Variants in MDGA2 observed in about 807,000 individuals in gnomAD.
MDGA2 encodes MAM domain-containing glycosylphosphatidylinositol anchor protein 2.
Under a neutral mutation model 117.8 loss-of-function variants are expected in MDGA2, and 40 were observed. That is an observed-to-expected ratio of 0.34 (90% CI 0.26 to 0.44). The LOEUF is 0.44. MDGA2 is among the 20% of genes least tolerant of loss of function. MDGA2 has a pLI of 1.00. For missense variants in MDGA2, 1,123 were observed against 1,250.6 expected (o/e 0.90, Z 1.54); for synonymous variants, 452 against 439.0 (o/e 1.03, Z -0.37).
intron 4 of MDGA2, among the ~76,000 whole-genome samples, chr14:47,137,765 G>T (rs1882527833): frequency 6.6e-6 from 1 of 152,060 alleles, no homozygotes; most frequent in Admixed American, 6.6e-5. Context: ...AGACAAAAAA[G>T]AAAGAAAAGC....
rs1438013103 is a variant in MDGA2 at position 47,070,688 on chromosome 14, C to G, written c.1196-9110G>C. 2.6e-5 allele frequency among the ~76,000 whole-genome samples: 4 copies of G among 152,166 alleles called. No homozygotes were observed. The East Asian group carries it at 7.7e-4, about 29-fold the overall frequency. On this transcript the variant is annotated intron_variant, in intron 6 of 16. Transcript: ENST00000399232. ...TGGTGTGATCTTGGCTCACTGCAAC[C>G]TCTGCCTCCTGGGTTCAAGCAATTC...
Position 47,113,057 on chromosome 14 carries a change from G to A in MDGA2, c.926-15934C>T, listed in dbSNP as rs538392783. Among the ~76,000 whole-genome samples the A allele has an allele frequency of 3.9e-5, 6 of 152,192 alleles. No homozygotes were observed. The East Asian group carries it at 1.2e-3, about 29-fold the overall frequency. On this transcript the variant is annotated intron_variant, in intron 5 of 16. Coordinates refer to ENST00000399232, the MANE Select transcript of MDGA2 (RefSeq NM_001113498.3). ...AAGTATCTTCTTTTGAGAGGTGTCT[G>A]TTCATGTCCTTTGCTAACTTTTTAA...
At chr14:47,428,433 ATGT>A (rs1178849166) in intron 1 of MDGA2, among the ~76,000 whole-genome samples, 2 of 152,134 alleles carry the variant, frequency 1.3e-5, no homozygotes, top group African/African-American at 2.4e-5. Flanking sequence ...AACTAGGGAA[ATGT>A]TGATTAGTCT....
At chr14:47,242,981 T>C (rs973824533) in intron 2 of MDGA2, among the ~76,000 whole-genome samples, 6 of 151,678 alleles carry the variant, frequency 4.0e-5, no homozygotes, top group Non-Finnish European at 7.4e-5. Flanking sequence ...CACCCTGTGT[T>C]TAGCTCAAGG....
intron 1 of MDGA2, among the ~76,000 whole-genome samples, chr14:47,352,930 G>A (rs971654964): frequency 6.6e-6 from 1 of 152,158 alleles, no homozygotes; most frequent in Admixed American, 6.5e-5. Context: ...AGGAGATGCA[G>A]TATAGAATAA....
intron 3 of MDGA2, among the ~76,000 whole-genome samples, chr14:47,150,820 A>C (rs1883132428): frequency 6.6e-6 from 1 of 151,692 alleles, no homozygotes; most frequent in Admixed American, 6.6e-5. Flanking sequence ...GTTACTCAGA[A>C]GGCTGAGGCA....
At chr14:47,329,073 T>C (rs913694548) in intron 1 of MDGA2, among the ~76,000 whole-genome samples, 1 of 152,096 alleles carries the variant, frequency 6.6e-6, no homozygotes, top group Non-Finnish European at 1.5e-5. Context: ...ATGTGTTTGT[T>C]ATAAACTAGG....
intron 4 of MDGA2, among the ~76,000 whole-genome samples, chr14:47,137,928 A>C (rs1264785245): frequency 2.6e-5 from 4 of 152,156 alleles, no homozygotes; most frequent in Non-Finnish European, 4.4e-5. Flanking sequence ...TTAATATGTA[A>C]GATTAATGTA....
intron 1 of MDGA2, among the ~76,000 whole-genome samples, chr14:47,443,787 G>A (rs1423608703): frequency 6.6e-6 from 1 of 152,150 alleles, no homozygotes; most frequent in Non-Finnish European, 1.5e-5. Context: ...TGTCCCTAAA[G>A]AGGGAGGTCT....
chr14:46,875,477 A>G lies in MDGA2; in HGVS notation c.2438-1277T>C, dbSNP rs1304073889. The stretch of plus-strand genomic sequence containing the variant: ...AGGTAATGTTACAGGAAATATACAT[A>G]TTTAAGGGAGTCTAAATAAATAACT... On this transcript the variant is annotated intron_variant, in intron 12 of 16. Coordinates refer to ENST00000399232, the MANE Select transcript of MDGA2 (RefSeq NM_001113498.3). 2.6e-5 allele frequency among the ~76,000 whole-genome samples: 4 copies of G among 151,654 alleles called. No individual in the cohort carries two copies. In the South Asian group the frequency reaches 8.3e-4, roughly 31 times the overall value.
At chr14:47,302,137 T>C (rs921840605) in intron 1 of MDGA2, among the ~76,000 whole-genome samples, 20 of 152,166 alleles carry the variant, frequency 1.3e-4, no homozygotes, top group Admixed American at 9.8e-4. Flanking sequence ...CAATATACCA[T>C]TGTCGCCTGA....
intron 3 of MDGA2, among the ~76,000 whole-genome samples, chr14:47,208,302 G>C (rs192540739): frequency 9.2e-5 from 14 of 152,092 alleles, no homozygotes; most frequent in Admixed American, 9.2e-4. Context: ...AAATTTGATA[G>C]TATAATGTAT....
At chr14:47,169,912 A>T (rs1884048690) in intron 3 of MDGA2, among the ~76,000 whole-genome samples, 1 of 152,252 alleles carries the variant, frequency 6.6e-6, no homozygotes, top group East Asian at 1.9e-4. Flanking sequence ...AAATTGAAAA[A>T]AATTACCTAT....
chr14:46,914,611 C>A (rs1439375493), intron 10 of MDGA2, among the ~76,000 whole-genome samples: 1 of 151,966 alleles, frequency 6.6e-6, no homozygotes, highest in African/African-American at 2.4e-5. Context: ...AGTTTAATAA[C>A]ACAGCAATGG....
intron 5 of MDGA2, among the ~76,000 whole-genome samples, chr14:47,111,704 C>A (rs1236662866): frequency 2.0e-5 from 3 of 152,088 alleles, no homozygotes; most frequent in Admixed American, 6.6e-5. Context: ...AATGGAAAGA[C>A]TTCTTGAGGC....
At chr14:47,326,951 TAAC>T (rs1167786749) in intron 1 of MDGA2, among the ~76,000 whole-genome samples, 2 of 152,110 alleles carry the variant, frequency 1.3e-5, no homozygotes, top group Non-Finnish European at 2.9e-5. Flanking sequence ...GAAGAGATAT[TAAC>T]AAAGAGGCTG....
chr14:47,232,639 C>T (rs1450866598), intron 2 of MDGA2, among the ~76,000 whole-genome samples: 1 of 152,052 alleles, frequency 6.6e-6, no homozygotes, highest in Non-Finnish European at 1.5e-5. Flanking sequence ...ACCTCTACAG[C>T]CCCCACTCTC....
chr14:46,948,553 C>T (rs754765441), intron 9 of MDGA2, among the ~76,000 whole-genome samples: 4 of 151,930 alleles, frequency 2.6e-5, no homozygotes, highest in Non-Finnish European at 5.9e-5. Context: ...TGGGTGTGGT[C>T]TAGCTTGAGG....
chr14:46,976,956 A>G (rs1321970730), intron 8 of MDGA2, among the ~76,000 whole-genome samples: 1 of 152,106 alleles, frequency 6.6e-6, no homozygotes, highest in Non-Finnish European at 1.5e-5. Context: ...ACCATTTTAT[A>G]TTATTCAAAC....
Sources: allele counts gnomAD v4.1 joint callset (sites outside exome capture counted in the v4.1 genomes callset), GRCh38; gene constraint gnomAD v4.1.1; transcripts MANE v1.5; gene names NCBI Gene and HGNC (gene_info 2026-07-23, HGNC 2026-07-21).